The following CDH12 variants were observed in gnomAD, a reference collection of about 807,000 sequenced individuals.
CDH12 encodes cadherin 12, also known as cadherin-12.
Under a neutral mutation model 74.1 loss-of-function variants are expected in CDH12, and 41 were observed. That is an observed-to-expected ratio of 0.55 (90% CI 0.43 to 0.72). The LOEUF (loss-of-function observed/expected upper bound fraction) is 0.72. CDH12 is among the 30% of genes least tolerant of loss of function. The pLI is 0.00. For synonymous variants in CDH12, 399 were observed against 355.0 expected (o/e 1.12, Z -1.39); for missense variants, 945 against 977.2 (o/e 0.97, Z 0.44).
At chr5:22,388,022 C>T (rs1742074269) in intron 3 of CDH12, among the ~76,000 whole-genome samples, 2 of 152,014 alleles carry the variant, frequency 1.3e-5, no homozygotes, top group South Asian at 4.2e-4. Flanking sequence ...TAATACTGTC[C>T]ACTGGAGGTA....
At chr5:21,994,028 G>T (rs909163480) in intron 5 of CDH12, among the ~76,000 whole-genome samples, 1 of 150,570 alleles carries the variant, frequency 6.6e-6, no homozygotes, top group Non-Finnish European at 1.5e-5. Flanking sequence ...ACTATTTCTG[G>T]TTGACACTTC....
chr5:22,494,865 A>G (rs763838828), intron 2 of CDH12, among the ~76,000 whole-genome samples: 1 of 152,188 alleles, frequency 6.6e-6, no homozygotes, highest in Non-Finnish European at 1.5e-5. Context: ...TGGAGAATTC[A>G]ATTTAAGGTG....
chr5:22,079,271 A>G (rs145085580), intron 4 of CDH12, among the ~76,000 whole-genome samples: 1 of 152,322 alleles, frequency 6.6e-6, no homozygotes, highest in Admixed American at 6.5e-5. Flanking sequence ...GATTTCTAGT[A>G]GCACTTTTTT....
At chr5:22,057,633 G>C (rs571420310) in intron 5 of CDH12, among the ~76,000 whole-genome samples, 7 of 152,224 alleles carry the variant, frequency 4.6e-5, no homozygotes, top group African/African-American at 1.7e-4. Flanking sequence ...AAAATACCTG[G>C]AGAGTAAAAT....
intron 1 of CDH12, among the ~76,000 whole-genome samples, chr5:22,641,794 C>T (rs1191768897): frequency 6.6e-6 from 1 of 152,190 alleles, no homozygotes; most frequent in Non-Finnish European, 1.5e-5. Context: ...TTTCCTCACA[C>T]TAAAATATAA....
chr5:22,735,800 G>A (rs1561612220), intron 1 of CDH12, among the ~76,000 whole-genome samples: 1 of 151,818 alleles, frequency 6.6e-6, no homozygotes, highest in African/African-American at 2.4e-5. Flanking sequence ...CTCAAAAAAT[G>A]AGTGTTTACT....
At position 22,117,468 on chromosome 5, in the gene CDH12, A is replaced by T. The variant is rs191875949; in HGVS notation, c.-186-38606T>A. Among the ~76,000 whole-genome samples the T allele has an allele frequency of 9.3e-3, 704 of 75,904 alleles. 13 individuals are homozygous for T. The highest frequency in any genetic ancestry group is 0.035 in the African/African-American group (640 of 18,462). 49.8% of individuals were successfully genotyped at this position (75,904 alleles called of 152,430 possible). A position where few individuals can be genotyped will look rare whatever the true frequency, so the allele number is the denominator to read the frequency against. On this transcript the variant is annotated intron_variant, in intron 4 of 14. Coordinates refer to ENST00000382254, the MANE Select transcript of CDH12 (RefSeq NM_004061.5). ...TATATAATATATATATTATATATATAATATATATATTATATATATATTATA... is the reference window on the plus strand; with the variant it reads ...TATATAATATATATATTATATATATTATATATATATTATATATATATTATA...
At chr5:22,065,954 TG>T (rs1741527094) in intron 5 of CDH12, among the ~76,000 whole-genome samples, 1 of 152,074 alleles carries the variant, frequency 6.6e-6, no homozygotes, top group South Asian at 2.1e-4. Context: ...AATTATTATT[TG>T]ATCTGTACAA....
At chr5:22,512,534 A>G (rs1736655389) in intron 1 of CDH12, among the ~76,000 whole-genome samples, 1 of 152,206 alleles carries the variant, frequency 6.6e-6, no homozygotes, top group African/African-American at 2.4e-5. Context: ...AGGTCATTTC[A>G]GCTAACCTAA....
Position 22,078,781 on chromosome 5 carries a change from G to A in CDH12, c.-105C>T, listed in dbSNP as rs1287055160. Reference sequence around the variant, plus strand: ...TGTGGCCTCCACCACTTAGCTTCTTGTTTTATTGCAGAAATGATGATGCAG... The same window carrying A: ...TGTGGCCTCCACCACTTAGCTTCTTATTTTATTGCAGAAATGATGATGCAG... On this transcript the variant is annotated 5_prime_UTR_variant, in exon 5 of 15. Transcript: ENST00000382254. 19 of 1,489,412 alleles carry A rather than the reference G, an allele frequency of 1.3e-5. No homozygotes were observed. The highest frequency in any genetic ancestry group is 2.5e-5 in the Admixed American group (1 of 39,744). 92.3% of individuals were successfully genotyped at this position (1,489,412 alleles called of 1,614,324 possible). A position where few individuals can be genotyped will look rare whatever the true frequency, so the allele number is the denominator to read the frequency against.
At chr5:22,623,293 T>C (rs1181821940) in intron 1 of CDH12, among the ~76,000 whole-genome samples, 2 of 152,124 alleles carry the variant, frequency 1.3e-5, no homozygotes, top group East Asian at 1.9e-4. Flanking sequence ...CTATTCAACA[T>C]AGTGTTGCAA....
At chr5:21,764,626 G>A (rs1351440962) in intron 12 of CDH12, among the ~76,000 whole-genome samples, 4 of 139,740 alleles carry the variant, frequency 2.9e-5, no homozygotes, top group Non-Finnish European at 6.1e-5. Context: ...TCCAGCCTGG[G>A]TGACAGAGCA....
At chr5:22,838,247 T>C (rs1736921814) in intron 1 of CDH12, among the ~76,000 whole-genome samples, 2 of 152,174 alleles carry the variant, frequency 1.3e-5, no homozygotes, top group South Asian at 2.1e-4. Context: ...CAACAGCTTC[T>C]TGTAGACCTC....
chr5:22,478,204 G>A (rs1229153975), intron 2 of CDH12, among the ~76,000 whole-genome samples: 2 of 151,966 alleles, frequency 1.3e-5, no homozygotes, highest in Admixed American at 1.3e-4. Context: ...GGATCATGAG[G>A]TCAGGAGATC....
chr5:22,446,919 T>G (rs1744839051), intron 2 of CDH12, among the ~76,000 whole-genome samples: 1 of 152,106 alleles, frequency 6.6e-6, no homozygotes, highest in Admixed American at 6.6e-5. Context: ...CAATGTCTAT[T>G]TGTTGCAGCT....
chr5:22,614,850 G>A (rs1315445435), intron 1 of CDH12, among the ~76,000 whole-genome samples: 2 of 152,036 alleles, frequency 1.3e-5, no homozygotes, highest in Non-Finnish European at 2.9e-5. Flanking sequence ...CAATTTCACA[G>A]ATAGACCATT....
chr5:22,146,274 A>C (rs1192264986), intron 4 of CDH12, among the ~76,000 whole-genome samples: 2 of 152,072 alleles, frequency 1.3e-5, no homozygotes, highest in African/African-American at 4.8e-5. Context: ...GATGGTAAGC[A>C]CTCAAGTAAA....
chr5:22,085,530 T>C (rs1743007043), intron 4 of CDH12, among the ~76,000 whole-genome samples: 1 of 152,126 alleles, frequency 6.6e-6, no homozygotes, highest in African/African-American at 2.4e-5. Flanking sequence ...TATTTTAAAT[T>C]AATATTCTAT....
Position 21,865,042 on chromosome 5 carries a change from T to C in CDH12, c.527-10252A>G, listed in dbSNP as rs533496206. Among the ~76,000 whole-genome samples the C allele has an allele frequency of 2.0e-3, 312 of 152,246 alleles. 1 individual carries two copies. Among genetic ancestry groups the C allele is most frequent in the Middle Eastern group, 6.8e-3 (2 of 294 alleles). ...ATGAATCTTTTTCAGAACTGATGCA[T>C]GACAAAAAAAGAGAGTGCTATTTCA... On this transcript the variant is annotated intron_variant, in intron 6 of 14. Transcript: ENST00000382254.
Sources: allele counts gnomAD v4.1 joint callset (sites outside exome capture counted in the v4.1 genomes callset), GRCh38; gene constraint gnomAD v4.1.1; transcripts MANE v1.5; gene names NCBI Gene and HGNC (gene_info 2026-07-23, HGNC 2026-07-21).